TENM2: variants seen among roughly 807,000 people sequenced by gnomAD.
The protein encoded by TENM2 is teneurin-2.
Under a neutral mutation model 245.2 loss-of-function variants are expected in TENM2, and 52 were observed. The observed-to-expected ratio is 0.21, with a 90% CI of 0.17 to 0.27. The LOEUF (loss-of-function observed/expected upper bound fraction) is 0.27. TENM2 is among the 10% of genes least tolerant of loss of function. The pLI is 1.00. For synonymous variants in TENM2, 1,363 were observed against 1,438.9 expected (o/e 0.95, Z 1.19); for missense variants, 3,046 against 3,666.8 (o/e 0.83, Z 4.37).
chr5:167,307,788 C>T (rs1048512269), intron 1 of TENM2: 9 of 152,322 alleles, frequency 5.9e-5, no homozygotes, highest in East Asian at 1.9e-4. Flanking sequence ...GTAGAAAGCA[C>T]GAGCCGGAAA....
At chr5:168,070,821 A>G (rs248005) in intron 7 of TENM2, among the ~76,000 whole-genome samples, 24,913 of 100,222 alleles carry the variant, frequency 0.25, 2,568 homozygotes, top group Admixed American at 0.36. Context: ...GAGAGAGAGA[A>G]AAAAAGAAAG....
rs1583088064 is a variant in TENM2 at position 167,818,038 on chromosome 5, C to T, written c.503-57948C>T. Among the ~76,000 whole-genome samples the T allele has an allele frequency of 2.6e-5, 4 of 152,252 alleles. No individual in the cohort carries two copies. The East Asian group carries it at 5.8e-4, about 22-fold the overall frequency. On this transcript the variant is annotated intron_variant, in intron 2 of 28. Transcript: ENST00000518659. Reference sequence around the variant, plus strand: ...TGCGGCTCATGGTCACTTTCTTCCCCCCATCTCCTAAACAGCAGCCCTGTT... The same window carrying T: ...TGCGGCTCATGGTCACTTTCTTCCCTCCATCTCCTAAACAGCAGCCCTGTT...
the TENM2 span, among the ~76,000 whole-genome samples, chr5:167,221,140 T>C: frequency 6.6e-6 from 1 of 152,034 alleles, no homozygotes; most frequent in African/African-American, 2.4e-5. Context: ...ATCAAACACT[T>C]TATAAGGGTT....
intron 2 of TENM2, among the ~76,000 whole-genome samples, chr5:167,712,679 T>C (rs1758987910): frequency 6.6e-6 from 1 of 152,110 alleles, no homozygotes; most frequent in Non-Finnish European, 1.5e-5. Flanking sequence ...TCAGTAAAGG[T>C]TGAAATATCA....
intron 2 of TENM2, among the ~76,000 whole-genome samples, chr5:167,864,263 T>C (rs536336545): frequency 6.6e-6 from 1 of 152,258 alleles, no homozygotes; most frequent in South Asian, 2.1e-4. Flanking sequence ...AAAGGAAAGC[T>C]TCCAATAATG....
chr5:167,035,478 T>TGA, the TENM2 span, among the ~76,000 whole-genome samples: 1 of 152,246 alleles, frequency 6.6e-6, no homozygotes, highest in Non-Finnish European at 1.5e-5. Context: ...CCACTGACAA[T>TGA]GATGTCGTTC....
chr5:168,164,817 C>A (rs1758073814), intron 13 of TENM2, among the ~76,000 whole-genome samples: 1 of 152,134 alleles, frequency 6.6e-6, no homozygotes, highest in Non-Finnish European at 1.5e-5. Flanking sequence ...ATCCATGAGT[C>A]CAATCATTTG....
At chr5:168,195,242 G>A (rs1344875187) in exon 15 of TENM2, 3 of 1,607,674 alleles carry the variant, frequency 1.9e-6, no homozygotes, top group Non-Finnish European at 1.7e-6. Flanking sequence ...GTGTGAACGT[G>A]TCTTTTGTCA....
chr5:167,209,103 C>T, the TENM2 span, among the ~76,000 whole-genome samples: 39 of 152,214 alleles, frequency 2.6e-4, no homozygotes, highest in African/African-American at 8.9e-4. Flanking sequence ...GCATTTGGGG[C>T]ACATTGTTTA....
At chr5:167,244,780 A>AG in the TENM2 span, among the ~76,000 whole-genome samples, 2 of 152,052 alleles carry the variant, frequency 1.3e-5, no homozygotes, top group Non-Finnish European at 2.9e-5. Flanking sequence ...CCTTATTTCT[A>AG]GGGGGAGTGT....
intron 2 of TENM2, among the ~76,000 whole-genome samples, chr5:167,499,809 A>AGTGTGT (rs745394290): frequency 7.0e-6 from 1 of 142,950 alleles, no homozygotes; most frequent in Non-Finnish European, 1.5e-5. Flanking sequence ...TATGTGAGGG[A>AGTGTGT]GTGTGTGTGT....
At chr5:167,468,449 A>G (rs370964872) in intron 2 of TENM2, among the ~76,000 whole-genome samples, 22 of 152,328 alleles carry the variant, frequency 1.4e-4, no homozygotes, top group African/African-American at 5.1e-4. Context: ...GGTGTTCAGA[A>G]ACTGTCCATC....
chr5:167,565,178 A>T (rs1312532580), intron 2 of TENM2, among the ~76,000 whole-genome samples: 1 of 152,252 alleles, frequency 6.6e-6, no homozygotes, highest in African/African-American at 2.4e-5. Flanking sequence ...AGTCAGTAGG[A>T]CAAGGCTATT....
chr5:167,766,373 A>G lies in TENM2; in HGVS notation c.503-109613A>G, dbSNP rs1582952326. On this transcript the variant is annotated intron_variant, in intron 2 of 28. Transcript: ENST00000518659. The stretch of plus-strand genomic sequence containing the variant: ...CAGAATTAAAGAGATTCCCGCAGTT[A>G]ACAGATCACACAGGGCATTGTAGCC... 3.3e-5 allele frequency among the ~76,000 whole-genome samples: 5 copies of G among 152,330 alleles called. 1 individual carries two copies. The Middle Eastern group carries it at 0.017, about 518-fold the overall frequency.
the TENM2 span, among the ~76,000 whole-genome samples, chr5:167,166,509 G>A: frequency 2.6e-5 from 4 of 152,190 alleles, no homozygotes; most frequent in South Asian, 2.1e-4. Flanking sequence ...TTGTGAAAAC[G>A]TTTTTTAAAC....
intron 2 of TENM2, among the ~76,000 whole-genome samples, chr5:167,378,224 C>T (rs1760881765): frequency 6.6e-6 from 1 of 152,024 alleles, no homozygotes; most frequent in African/African-American, 2.4e-5. Flanking sequence ...ATTCAGTCTG[C>T]AAAGTCATAT....
intron 4 of TENM2, among the ~76,000 whole-genome samples, chr5:167,984,415 T>G (rs1783076599): frequency 6.6e-6 from 1 of 152,210 alleles, no homozygotes; most frequent in Non-Finnish European, 1.5e-5. Context: ...TCTAGCACTT[T>G]GGGAGACTGA....
At chr5:167,481,619 G>A (rs1260613090) in intron 2 of TENM2, among the ~76,000 whole-genome samples, 1 of 152,086 alleles carries the variant, frequency 6.6e-6, no homozygotes, top group Non-Finnish European at 1.5e-5. Context: ...CATGTGTCAC[G>A]TACCTGTGTG....
rs766097775 is a variant in TENM2, at chr5:168,118,378, G to A, written c.1900G>A (p.Asp634Asn). The A allele has an allele frequency of 3.7e-5, 60 of 1,611,710 alleles. No homozygotes were observed. Among genetic ancestry groups the A allele is most frequent in the East Asian group, 4.5e-5 (2 of 44,870 alleles). Residue 634 changes from aspartate to asparagine, a missense_variant, in exon 10 of 29, where the codon GAC (aspartate) becomes AAC (asparagine). By Grantham distance (23) the Asp-to-Asn change is conservative. Around this residue, in one of 2 missense-constraint regions of TENM2, gnomAD observed 2,704 missense variants for 3,331.9 expected, o/e 0.81. Transcript: ENST00000518659. ...CAGCGGCTGGAAAGGTGCAGAGTGC[G>A]ACGTGCCCATGAATCAGTGCATCGA...
Sources: gnomAD v4.1 joint callset for allele counts (sites outside exome capture counted in the v4.1 genomes callset) on GRCh38, gnomAD v4.1.1 for gene constraint, gnomAD v4.1.1 regional missense constraint, MANE v1.5 for transcripts, NCBI Gene and HGNC (gene_info 2026-07-23, HGNC 2026-07-21) for gene names.